Variants in ARHGAP40 observed in about 807,000 individuals in gnomAD.
ARHGAP40 encodes rho GTPase-activating protein 40.
ARHGAP40 carries 43 observed loss-of-function variants against 73.5 expected under a neutral mutation model. The observed-to-expected ratio is 0.58, with a 90% CI of 0.46 to 0.75. ARHGAP40 has a LOEUF of 0.75. Ranked by LOEUF, ARHGAP40 falls within the 30% of genes least tolerant of loss-of-function variation. The probability of loss-of-function intolerance (pLI) is 0.00; values close to 1 mark genes in which losing one functional copy is unlikely to be tolerated. For synonymous variants in ARHGAP40, 300 were observed against 352.8 expected (o/e 0.85, Z 1.68); for missense variants, 734 against 861.8 (o/e 0.85, Z 1.86).
At chr20:38,650,329 C>A (rs1568613816) in exon 15 of ARHGAP40, 1 of 471,082 alleles carries the variant, frequency 2.1e-6, no homozygotes, top group Non-Finnish European at 4.4e-6. Flanking sequence ...TAGTTGGGGT[C>A]TTTTCCCCCC....
intron 6 of ARHGAP40, among the ~76,000 whole-genome samples, chr20:38,635,519 CAGGCGTGCTGGTGCACACCTCT>C (rs1258955090): frequency 6.6e-6 from 1 of 151,990 alleles, no homozygotes; most frequent in African/African-American, 2.4e-5. Context: ...AAAAAGTAGC[CAGGCGTGCTGGTGCACACCTCT>C]AGTCCCACCT....
intron 10 of ARHGAP40, among the ~76,000 whole-genome samples, chr20:38,642,653 C>T (rs1011784536): frequency 8.4e-5 from 12 of 142,674 alleles, no homozygotes; most frequent in African/African-American, 3.1e-4. Context: ...TCCATTTATT[C>T]TTCCTTCCAC....
intron 3 of ARHGAP40, among the ~76,000 whole-genome samples, chr20:38,628,044 T>A (rs980276708): frequency 6.6e-6 from 1 of 152,192 alleles, no homozygotes; most frequent in African/African-American, 2.4e-5. Context: ...ATAGGCCGTG[T>A]CCAGGACAGC....
intron 1 of ARHGAP40, among the ~76,000 whole-genome samples, chr20:38,622,966 G>T (rs2088880772): frequency 6.6e-6 from 1 of 152,186 alleles, no homozygotes; most frequent in Non-Finnish European, 1.5e-5. Flanking sequence ...AAGTGTGAGG[G>T]AAGGAGACAG....
intron 1 of ARHGAP40, among the ~76,000 whole-genome samples, chr20:38,616,969 G>A (rs1161268700): frequency 1.7e-5 from 2 of 118,134 alleles, no homozygotes; most frequent in Non-Finnish European, 3.6e-5. Context: ...ATTTTGAGAC[G>A]GAGTCTCACG....
rs1213846943 is a variant in ARHGAP40 at position 38,646,925 on chromosome 20, G to A, written c.1711-32G>A. Reference sequence around the variant, plus strand: ...GAACTCCAGGCAAGCTGACTCTTATGTATATGGATCTTTCTCTCTCTCTCT... The same window carrying A: ...GAACTCCAGGCAAGCTGACTCTTATATATATGGATCTTTCTCTCTCTCTCT... On this transcript the variant is annotated intron_variant, in intron 12 of 14. Transcript: ENST00000373345. The surrounding 1 kb of genome is among the most constrained non-coding windows in gnomAD (Gnocchi z 4.5). The A allele has an allele frequency of 1.5e-6, 2 of 1,294,914 alleles. No homozygotes were observed. Among genetic ancestry groups the A allele is most frequent in the South Asian group, 1.2e-5 (1 of 80,150 alleles). 80.2% of individuals were successfully genotyped at this position (1,294,914 alleles called of 1,614,324 possible).
chr20:38,649,903 T>C (rs1418049335), exon 15 of ARHGAP40: 5 of 1,190,682 alleles, frequency 4.2e-6, no homozygotes, highest in Non-Finnish European at 5.6e-6. Context: ...CTGCTGGCTC[T>C]GTGTCCATGT....
Position 38,647,797 on chromosome 20 carries a change from GTCACGAA to G in ARHGAP40, c.1880+675_1880+681del, listed in dbSNP as rs112332057. Among the ~76,000 whole-genome samples, 218 of 152,310 alleles carry G rather than the reference GTCACGAA, an allele frequency of 1.4e-3. 2 individuals are homozygous for G. Among genetic ancestry groups the G allele is most frequent in the African/African-American group, 5.1e-3 (212 of 41,546 alleles). On this transcript the variant is annotated intron_variant, in intron 13 of 14. Coordinates refer to ENST00000373345, the Ensembl canonical transcript of ARHGAP40. ...GGAAGACCTGGATATAAAGCAGATA[GTCACGAA>G]TCAAAGATCAAGTTACAAACTGTAT...
chr20:38,631,221 A>C (rs1041444823), intron 5 of ARHGAP40, among the ~76,000 whole-genome samples: 1 of 149,580 alleles, frequency 6.7e-6, no homozygotes, highest in African/African-American at 2.5e-5. Context: ...CTGAGGCAGG[A>C]GGATCACTTG....
exon 11 of ARHGAP40, chr20:38,643,778 C>A (rs886715844): frequency 9.2e-6 from 12 of 1,305,854 alleles, no homozygotes; most frequent in South Asian, 4.9e-5. Flanking sequence ...ATGTTTCCAC[C>A]GTGATGGCCC....
At chr20:38,604,134 C>T (rs1008841120) in intron 1 of ARHGAP40, among the ~76,000 whole-genome samples, 1 of 152,164 alleles carries the variant, frequency 6.6e-6, no homozygotes, top group South Asian at 2.1e-4. Flanking sequence ...TCCGTCCATC[C>T]ATCTATCTAC....
At position 38,646,383 on chromosome 20, in the gene ARHGAP40, TGGGGAG is replaced by T; in HGVS notation, c.1710+200_1710+205del. Among the ~76,000 whole-genome samples, 2 of 152,122 alleles carry T rather than the reference TGGGGAG, an allele frequency of 1.3e-5. No individual in the cohort carries two copies. Among genetic ancestry groups the T allele is most frequent in the Non-Finnish European group, 2.9e-5 (2 of 67,972 alleles). On this transcript the variant is annotated intron_variant, in intron 12 of 14. Transcript: ENST00000373345. This position sits in a 1 kb window ranked among gnomAD's most constrained non-coding sequence, Gnocchi z 4.5. The stretch of plus-strand genomic sequence containing the variant: ...GCGAAACGAGGGCTTAGAAGCGGGT[TGGGGAG>T]GGGAAATGGAGTGACTCGGAGACTT...
rs557677032 is a variant in ARHGAP40, at chr20:38,646,682, T to C, written c.1711-275T>C. Among the ~76,000 whole-genome samples the C allele has an allele frequency of 6.6e-6, 1 of 152,290 alleles. No homozygotes were observed. The highest frequency in any genetic ancestry group is 1.5e-5 in the Non-Finnish European group (1 of 68,018). The stretch of plus-strand genomic sequence containing the variant: ...GTCTTTATACAAACCTACATGTCTG[T>C]GTTTGTGGGTGCGTTGCATGTACTC... On this transcript the variant is annotated intron_variant, in intron 12 of 14. Coordinates refer to ENST00000373345, the Ensembl canonical transcript of ARHGAP40. The surrounding 1 kb of genome is among the most constrained non-coding windows in gnomAD (Gnocchi z 4.5).
chr20:38,620,043 G>C (rs1381653920), intron 1 of ARHGAP40, among the ~76,000 whole-genome samples: 2 of 152,198 alleles, frequency 1.3e-5, no homozygotes, highest in Non-Finnish European at 2.9e-5. Flanking sequence ...TTGCCTTCGA[G>C]ACAGAGCAAG....
At chr20:38,627,246 G>C (rs1056133215) in intron 3 of ARHGAP40, 31 bp downstream of exon 3, 39 of 1,296,496 alleles carry the variant, frequency 3.0e-5, no homozygotes, top group Admixed American at 2.8e-4. Flanking sequence ...TGCAGGCCCC[G>C]TCTGACTGGG....
Position 38,601,818 on chromosome 20 carries a change from T to A in ARHGAP40, c.-125T>A, listed in dbSNP as rs1753647529. On this transcript the variant is annotated 5_prime_UTR_variant, in exon 1 of 15. It removes an upstream start codon present in the reference 5' UTR. Coordinates refer to ENST00000373345, the Ensembl canonical transcript of ARHGAP40. ...GAGGAGGCTGAACATTAGTCCTGCA[T>A]GAGGGTGTCTGGGAACTGGGTGCGC... 1 of 1,157,416 alleles carries A rather than the reference T, an allele frequency of 8.6e-7. No homozygotes were observed. The highest frequency in any genetic ancestry group is 1.1e-6 in the Non-Finnish European group (1 of 884,584). The allele number at this position is 1,157,416 out of a possible 1,614,324, so 71.7% of individuals were successfully genotyped here. A position where few individuals can be genotyped will look rare whatever the true frequency, so the allele number is the denominator to read the frequency against.
At chr20:38,641,768 T>C in exon 10 of ARHGAP40, 1 of 1,295,844 alleles carries the variant, frequency 7.7e-7, no homozygotes, top group Middle Eastern at 2.1e-4. Flanking sequence ...CTTCACCTGC[T>C]CATCCTCATC....
chr20:38,621,974 G>A (rs1435805614), intron 1 of ARHGAP40, among the ~76,000 whole-genome samples: 4 of 152,136 alleles, frequency 2.6e-5, no homozygotes, highest in African/African-American at 9.7e-5. Context: ...AGGATGGCTT[G>A]AGCCTGGGAG....
intron 5 of ARHGAP40, 143 bp downstream of exon 5, chr20:38,629,793 A>G: frequency 1.0e-6 from 1 of 966,258 alleles, no homozygotes. Flanking sequence ...TACCACAAAT[A>G]TTTACTGAGT....
Sources: gnomAD v4.1 joint callset for allele counts (sites outside exome capture counted in the v4.1 genomes callset) on GRCh38, gnomAD v4.1.1 for gene constraint, Gnocchi (gnomAD v3.1) non-coding constraint, MANE v1.5 for transcripts, NCBI Gene and HGNC (gene_info 2026-07-23, HGNC 2026-07-21) for gene names.